The following CSMD1 variants were observed in gnomAD, a reference collection of about 807,000 sequenced individuals.
The protein encoded by CSMD1 is CUB and sushi domain-containing protein 1.
A neutral mutation model predicts 417.5 loss-of-function variants in CSMD1; 213 were observed. The observed-to-expected ratio is 0.51, with a 90% CI of 0.46 to 0.57. The LOEUF is 0.57. Among genes scored for constraint, CSMD1 ranks in the 20% least tolerant of loss-of-function variants. The pLI is 0.00. For synonymous variants in CSMD1, 2,862 were observed against 1,736.8 expected, an observed-to-expected ratio of 1.65 and a Z score of -16.11; for missense variants, 6,923 against 4,529.7, an observed-to-expected ratio of 1.53 and a Z score of -15.17.
chr8:3,870,134 G>C lies in CSMD1; in HGVS notation c.819-116092C>G, dbSNP rs950519455. ...TCTATAAACAGGTAGAATAAAAACA[G>C]AGATTACACATTATTTTACAATTTG... On this transcript the variant is annotated intron_variant, in intron 5 of 69. Coordinates refer to ENST00000635120, the MANE Select transcript of CSMD1 (RefSeq NM_033225.6). Among the ~76,000 whole-genome samples, 69 of 152,096 alleles carry C rather than the reference G, an allele frequency of 4.5e-4. 1 individual carries two copies. Among genetic ancestry groups the C allele is most frequent in the Admixed American group, 4.3e-3 (66 of 15,262 alleles).
chr8:4,308,058 C>T (rs1386986378), intron 3 of CSMD1, among the ~76,000 whole-genome samples: 1 of 152,130 alleles, frequency 6.6e-6, no homozygotes, highest in Non-Finnish European at 1.5e-5. Context: ...TGACTTTCAG[C>T]CTCAGTTACA....
intron 53 of CSMD1, 60 bp from the exon 54 acceptor site, chr8:2,998,244 G>A: frequency 6.5e-7 from 1 of 1,542,760 alleles, no homozygotes; most frequent in Non-Finnish European, 8.9e-7. Context: ...CTTTCCCTTG[G>A]GATTATTAAT....
intron 10 of CSMD1, among the ~76,000 whole-genome samples, chr8:3,554,828 C>T (rs569446236): frequency 2.0e-5 from 3 of 152,220 alleles, no homozygotes; most frequent in East Asian, 3.9e-4. Flanking sequence ...TGGGTCTGGG[C>T]AGGCCAAGAG....
intron 3 of CSMD1, among the ~76,000 whole-genome samples, chr8:4,034,676 G>T (rs1209021978): frequency 6.6e-6 from 1 of 152,094 alleles, no homozygotes; most frequent in East Asian, 1.9e-4. Flanking sequence ...GAGAAAGGGA[G>T]TGATTAAAAA....
intron 10 of CSMD1, among the ~76,000 whole-genome samples, chr8:3,571,568 G>C (rs538886448): frequency 6.6e-6 from 1 of 151,868 alleles, no homozygotes; most frequent in South Asian, 2.1e-4. Context: ...TCTCTCTCCT[G>C]TTTCCCACAC....
intron 3 of CSMD1, among the ~76,000 whole-genome samples, chr8:4,135,356 G>C (rs1243192251): frequency 7.8e-5 from 4 of 50,972 alleles, no homozygotes; most frequent in Admixed American, 4.9e-4. Context: ...GAAGGGAAAG[G>C]AGGGAAGGAA....
intron 5 of CSMD1, among the ~76,000 whole-genome samples, chr8:3,985,251 T>G (rs147265052): frequency 6.6e-6 from 1 of 152,218 alleles, no homozygotes; most frequent in Non-Finnish European, 1.5e-5. Flanking sequence ...TCCCATTTCA[T>G]GCTTTACAAA....
At chr8:4,293,149 C>G (rs955625183) in intron 3 of CSMD1, among the ~76,000 whole-genome samples, 5 of 152,108 alleles carry the variant, frequency 3.3e-5, no homozygotes, top group Non-Finnish European at 5.9e-5. Context: ...CCGCACCTGC[C>G]CTTTGTCCAG....
At chr8:3,980,274 T>G (rs1381781905) in intron 5 of CSMD1, among the ~76,000 whole-genome samples, 1 of 152,206 alleles carries the variant, frequency 6.6e-6, no homozygotes, top group African/African-American at 2.4e-5. Context: ...TGAACTAGCA[T>G]TGTATCCGAC....
rs188326097 is a variant in CSMD1, at chr8:4,867,471, A to G, written c.85+126861T>C. Among the ~76,000 whole-genome samples the G allele has an allele frequency of 3.3e-4, 50 of 152,196 alleles. 1 individual carries two copies. The highest frequency in any genetic ancestry group is 1.2e-3 in the African/African-American group (48 of 41,476). ...AAAGTATAATTATTTATAGGCAGCA[A>G]TTATCTGAGGCCAACACTCTTCCTA... On this transcript the variant is annotated intron_variant, in intron 1 of 69. Transcript: ENST00000635120.
At chr8:3,555,184 G>A (rs1020110266) in intron 10 of CSMD1, among the ~76,000 whole-genome samples, 2 of 151,968 alleles carry the variant, frequency 1.3e-5, no homozygotes, top group African/African-American at 4.8e-5. Flanking sequence ...AAATGTGTCT[G>A]GGAGGTGTAG....
chr8:3,369,402 C>T (rs377540984), intron 18 of CSMD1, 32 bp from the exon 19 acceptor site: 416 of 1,008,286 alleles, frequency 4.1e-4, no homozygotes, highest in Middle Eastern at 3.1e-3. Context: ...GATTACAGCA[C>T]TAAAGTTTCA....
At position 2,980,086 on chromosome 8, in the gene CSMD1, C is replaced by A. The variant is rs79005881; in HGVS notation, c.8378-1286G>T. Among the ~76,000 whole-genome samples the A allele has an allele frequency of 9.7e-3, 1,483 of 152,294 alleles. 9 individuals are homozygous for A. The highest frequency in any genetic ancestry group is 0.017 in the Middle Eastern group (5 of 294). On this transcript the variant is annotated intron_variant, in intron 54 of 69. Coordinates refer to ENST00000635120, the MANE Select transcript of CSMD1 (RefSeq NM_033225.6). ...CCCATGCCATACTTTCATAAGGAGACGGACAGTCCCGGGCTGGAACACTAA... is the reference window on the plus strand; with the variant it reads ...CCCATGCCATACTTTCATAAGGAGAAGGACAGTCCCGGGCTGGAACACTAA...
chr8:3,693,938 C>T (rs1482616555), intron 7 of CSMD1, among the ~76,000 whole-genome samples: 23 of 144,780 alleles, frequency 1.6e-4, no homozygotes, highest in Admixed American at 1.4e-3. Context: ...ATGGTGTGTG[C>T]GTCGTGTGTT....
At chr8:3,870,087 G>C (rs999223478) in intron 5 of CSMD1, among the ~76,000 whole-genome samples, 33 of 152,092 alleles carry the variant, frequency 2.2e-4, no homozygotes, top group Admixed American at 2.1e-3. Flanking sequence ...TGATTATTAA[G>C]TTATCTACTA....
At chr8:4,112,443 T>A (rs1436404911) in intron 3 of CSMD1, among the ~76,000 whole-genome samples, 1 of 152,122 alleles carries the variant, frequency 6.6e-6, no homozygotes, top group East Asian at 1.9e-4. Context: ...GAGGATGTGT[T>A]CCCTCCCCAT....
At chr8:4,086,779 G>A (rs150763441) in intron 3 of CSMD1, among the ~76,000 whole-genome samples, 3 of 152,174 alleles carry the variant, frequency 2.0e-5, no homozygotes, top group African/African-American at 7.2e-5. Context: ...TTTCAACTGA[G>A]TGAATGAACT....
intron 3 of CSMD1, among the ~76,000 whole-genome samples, chr8:4,216,268 G>C (rs1207642149): frequency 6.6e-6 from 1 of 151,900 alleles, no homozygotes; most frequent in Non-Finnish European, 1.5e-5. Flanking sequence ...CACTCTACGA[G>C]ACCTGACCTT....
At chr8:3,476,326 T>C (rs1817418905) in intron 11 of CSMD1, among the ~76,000 whole-genome samples, 1 of 152,222 alleles carries the variant, frequency 6.6e-6, no homozygotes, top group Non-Finnish European at 1.5e-5. Flanking sequence ...AGTTCTCTTA[T>C]AAAAATATAC....
Sources: allele counts gnomAD v4.1 joint callset (sites outside exome capture counted in the v4.1 genomes callset), GRCh38; gene constraint gnomAD v4.1.1; transcripts MANE v1.5; gene names NCBI Gene and HGNC (gene_info 2026-07-23, HGNC 2026-07-21).